Variants in PAK1IP1 observed in about 807,000 individuals in gnomAD.
The protein encoded by PAK1IP1 is PAK1 interacting protein 1.
In PAK1IP1, 24 loss-of-function variants were observed where a neutral mutation model predicts 42.0. The ratio of observed to expected loss-of-function variants is 0.57; its 90% CI spans 0.41 to 0.80. The LOEUF (loss-of-function observed/expected upper bound fraction) is 0.80, where lower values mean the gene tolerates loss of function less well. Among genes scored for constraint, PAK1IP1 ranks in the 30% least tolerant of loss-of-function variants. The pLI is 0.00. For synonymous variants in PAK1IP1, 154 were observed against 156.7 expected, an observed-to-expected ratio of 0.98 and a Z score of 0.13; for missense variants, 411 against 467.9, an observed-to-expected ratio of 0.88 and a Z score of 1.12.
chr6:10,706,798 G>A (rs184872421), intron 7 of PAK1IP1, among the ~76,000 whole-genome samples: 8 of 151,684 alleles, frequency 5.3e-5, no homozygotes, highest in Admixed American at 2.0e-4. Context: ...CAGGAGAATC[G>A]TTTGAACCCA....
rs549641427 is a variant in PAK1IP1 at position 10,708,526 on chromosome 6, G to GT, written c.841-418dup. Among the ~76,000 whole-genome samples, 309 of 149,418 alleles carry GT rather than the reference G, an allele frequency of 2.1e-3. 1 individual carries two copies. The highest frequency in any genetic ancestry group is 3.1e-3 in the Non-Finnish European group (207 of 66,708). On this transcript the variant is annotated intron_variant, in intron 8 of 9. Transcript: ENST00000379568. ...TATGCAAATTTTTGTGTGGATATAT[G>GT]TTTTTTTTTCTTTTTTTTTATACTT...
intron 2 of PAK1IP1, among the ~76,000 whole-genome samples, chr6:10,698,306 C>T (rs1353324556): frequency 2.0e-5 from 3 of 152,116 alleles, no homozygotes; most frequent in Non-Finnish European, 2.9e-5. Flanking sequence ...AAAGATGTAG[C>T]GTCATAGCAA....
intron 1 of PAK1IP1, 86 bp downstream of exon 1, chr6:10,695,155 G>A: frequency 1.3e-6 from 1 of 794,246 alleles, no homozygotes; most frequent in Non-Finnish European, 2.2e-6. Flanking sequence ...GAACATTGGA[G>A]CGCCTGCTGT....
intron 2 of PAK1IP1, 121 bp downstream of exon 2, chr6:10,697,607 T>TA (rs202067868): frequency 8.5e-4 from 657 of 776,522 alleles, no homozygotes; most frequent in Middle Eastern, 2.9e-3. Context: ...AGAGGAATTT[T>TA]AAAAAAAAAT....
intron 1 of PAK1IP1, among the ~76,000 whole-genome samples, chr6:10,695,555 A>C (rs995295395): frequency 6.6e-6 from 1 of 152,192 alleles, no homozygotes; most frequent in Non-Finnish European, 1.5e-5. Flanking sequence ...GGAGGTATGG[A>C]TCTTGCCTTA....
At chr6:10,694,912 T>G (rs543412749), upstream of PAK1IP1, 36 of 911,486 alleles carry the variant, frequency 3.9e-5, no homozygotes, top group Middle Eastern at 3.1e-4. Flanking sequence ...TGTTTTTTTT[T>G]TTTTTTTTTT....
At chr6:10,700,553 T>G (rs1359169287) in intron 2 of PAK1IP1, among the ~76,000 whole-genome samples, 1 of 152,218 alleles carries the variant, frequency 6.6e-6, no homozygotes, top group Non-Finnish European at 1.5e-5. Context: ...ACAGCTGTCT[T>G]GCTCTTCATC....
chr6:10,693,299 G>C (rs10946708), upstream of PAK1IP1, among the ~76,000 whole-genome samples: 1 of 152,182 alleles, frequency 6.6e-6, no homozygotes, highest in African/African-American at 2.4e-5. Context: ...ATCTGCAATT[G>C]AGCACCCTTT....
chr6:10,702,248 A>T lies in PAK1IP1; in HGVS notation c.248-121A>T. 3 of 818,362 alleles carry T rather than the reference A, an allele frequency of 3.7e-6. No homozygotes were observed. In the South Asian group the frequency reaches 5.5e-5, roughly 15 times the overall value. The allele number at this position is 818,362 out of a possible 1,614,324, so 50.7% of individuals were successfully genotyped here. On this transcript the variant is annotated intron_variant, in intron 2 of 9. Coordinates refer to ENST00000379568, the MANE Select transcript of PAK1IP1 (RefSeq NM_017906.3). ...AGAGTGAAACCCTGCCTCAAAAAAAAAAAAAAGAAAAAGAAAAAAAGGTAT... is the reference window on the plus strand; with the variant it reads ...AGAGTGAAACCCTGCCTCAAAAAAATAAAAAAGAAAAAGAAAAAAAGGTAT...
At chr6:10,694,605 CGG>C, upstream of PAK1IP1, 1 of 178,934 alleles carries the variant, frequency 5.6e-6, no homozygotes, top group South Asian at 1.0e-4. Context: ...CCTAAGCAAC[CGG>C]CCGGAAGTCG....
intron 7 of PAK1IP1, among the ~76,000 whole-genome samples, chr6:10,705,810 CTTAA>C (rs992074044): frequency 4.6e-5 from 7 of 152,138 alleles, no homozygotes; most frequent in Non-Finnish European, 1.0e-4. Flanking sequence ...TCAAATGAGT[CTTAA>C]TTCTTATTTC....
At chr6:10,702,271 T>A in intron 2 of PAK1IP1, 98 bp from the exon 3 acceptor site, 4 of 891,442 alleles carry the variant, frequency 4.5e-6, no homozygotes, top group Non-Finnish European at 5.1e-6. Context: ...GAAAAAAAGG[T>A]ATTGAGTGTT....
At position 10,695,012 on chromosome 6, in the gene PAK1IP1, G is replaced by T. The variant is rs1182004409; in HGVS notation, c.27G>T (p.Glu9Asp). 1 of 1,602,414 alleles carries T rather than the reference G, an allele frequency of 6.2e-7. No homozygotes were observed. Among genetic ancestry groups the T allele is most frequent in the Non-Finnish European group, 8.5e-7 (1 of 1,179,636 alleles). Reference protein sequence around the residue: MELVAGCYEQVLFGFAVHP... With the variant: MELVAGCYDQVLFGFAVHP... ...TGGAGCTGGTCGCTGGTTGCTACGA[G>T]CAGGTCCTCTTTGGGTTCGCTGTAC... Residue 9 changes from glutamate (E) to aspartate (D), a missense_variant, in exon 1 of 10, where the codon GAG (glutamate) becomes GAT (aspartate). Transcript: ENST00000379568.
chr6:10,701,813 C>T (rs111979323), intron 2 of PAK1IP1, among the ~76,000 whole-genome samples: 1 of 152,296 alleles, frequency 6.6e-6, no homozygotes, highest in African/African-American at 2.4e-5. Context: ...AATTTGAAGA[C>T]ATAAAGCAAG....
intron 4 of PAK1IP1, among the ~76,000 whole-genome samples, chr6:10,702,892 C>T (rs1290442089): frequency 2.6e-5 from 4 of 152,044 alleles, no homozygotes; most frequent in Admixed American, 6.6e-5. Flanking sequence ...CTGCAAGCTC[C>T]GCCTCCCAGG....
Position 10,709,329 on chromosome 6 carries a change from C to T in PAK1IP1, c.1056C>T (p.Arg352=), listed in dbSNP as rs200104948. 10 of 1,613,498 alleles carry T rather than the reference C, an allele frequency of 6.2e-6. No individual in the cohort carries two copies. In the Admixed American group the frequency reaches 1.0e-4, roughly 16 times the overall value. The stretch of plus-strand genomic sequence containing the variant: ...GGTCAAAACCTAACACAAAGAAACG[C>T]GGTTTAACAGGTGACAGTAAGAAAG... ...EKRSKPNTKK[R]GLTGDSKKAT... Residue 352 remains arginine, a synonymous_variant, in exon 10 of 10, where the codon CGC becomes CGT. Coordinates refer to ENST00000379568, the MANE Select transcript of PAK1IP1 (RefSeq NM_017906.3).
chr6:10,704,952 C>T lies in PAK1IP1; in HGVS notation c.740+108C>T, dbSNP rs1364801678. Reference sequence around the variant, plus strand: ...TTTTATTAACAACTGCAGAAATAATCAGACATATCTACATGTACAGTATAT... The same window carrying T: ...TTTTATTAACAACTGCAGAAATAATTAGACATATCTACATGTACAGTATAT... On this transcript the variant is annotated intron_variant, in intron 7 of 9. Transcript: ENST00000379568. 5 of 733,002 alleles carry T rather than the reference C, an allele frequency of 6.8e-6. No individual in the cohort carries two copies. The East Asian group carries it at 1.3e-4, about 19-fold the overall frequency. The allele number at this position is 733,002 out of a possible 1,614,324, so 45.4% of individuals were successfully genotyped here.
Position 10,703,454 on chromosome 6 carries a change from C to G in PAK1IP1, c.493C>G (p.Gln165Glu), listed in dbSNP as rs1414843182. 6.2e-7 allele frequency: 1 copy of G among 1,601,208 alleles called. No homozygotes were observed. The highest frequency in any genetic ancestry group is 8.5e-7 in the Non-Finnish European group (1 of 1,169,678). The change falls in exon 5 of 10, where the codon CAA becomes GAA. Residue 165 changes from glutamine to glutamate, a missense_variant. Physicochemically the swap from Gln to Glu is conservative, Grantham distance 29 (BLOSUM62 2). Coordinates refer to ENST00000379568, the MANE Select transcript of PAK1IP1 (RefSeq NM_017906.3). ...ATCAGCATTCATAAAAAATATAAAA[C>G]AAAGTGAGTATTTTTGTTTGAAATG... is the stretch of plus-strand genomic sequence containing the variant. ...GRSAFIKNIKQNAHIVEWSPR... is the reference protein window; with the variant it reads ...GRSAFIKNIKENAHIVEWSPR...
At position 10,702,687 on chromosome 6, in the gene PAK1IP1, T is replaced by G. The variant is rs554065758; in HGVS notation, c.443+48T>G. On this transcript the variant is annotated intron_variant, in intron 4 of 9. Coordinates refer to ENST00000379568, the MANE Select transcript of PAK1IP1 (RefSeq NM_017906.3). The stretch of plus-strand genomic sequence containing the variant: ...CATTTATCTAAGGTGTGTGTTTTAC[T>G]ACAGCTCTCCACCATCTAAAAATAC... 2.8e-4 allele frequency: 359 copies of G among 1,291,842 alleles called. 5 individuals are homozygous for G. The South Asian group carries it at 4.1e-3, about 15-fold the overall frequency. The allele number at this position is 1,291,842 out of a possible 1,614,324, so 80.0% of individuals were successfully genotyped here. A position where few individuals can be genotyped will look rare whatever the true frequency, so the allele number is the denominator to read the frequency against.
Sources: allele counts gnomAD v4.1 joint callset (sites outside exome capture counted in the v4.1 genomes callset), GRCh38; gene constraint gnomAD v4.1.1; transcripts MANE v1.5; gene names NCBI Gene and HGNC (gene_info 2026-07-23, HGNC 2026-07-21).